The following DENND1A variants were observed in gnomAD, a reference collection of about 807,000 sequenced individuals.
DENND1A encodes DENN domain containing 1A, also known as DENN domain-containing protein 1A.
DENND1A carries 51 observed loss-of-function variants against 113.7 expected under a neutral mutation model. The ratio of observed to expected loss-of-function variants is 0.45; its 90% CI spans 0.36 to 0.57. The LOEUF is 0.57. DENND1A is among the 20% of genes least tolerant of loss of function. The pLI is 0.00. For missense variants in DENND1A, 1,258 were observed against 1,395.9 expected, an observed-to-expected ratio of 0.90 and a Z score of 1.57; for synonymous variants, 565 against 570.8, an observed-to-expected ratio of 0.99 and a Z score of 0.14.
At chr9:123,831,048 T>TA (rs201758091) in intron 2 of DENND1A, among the ~76,000 whole-genome samples, 3 of 152,004 alleles carry the variant, frequency 2.0e-5, no homozygotes, top group African/African-American at 4.8e-5. Context: ...TGATTGTGTT[T>TA]AAAAAAATAC....
intron 21 of DENND1A, among the ~76,000 whole-genome samples, chr9:123,396,004 T>C (rs1025953519): frequency 1.3e-5 from 2 of 150,300 alleles, no homozygotes; most frequent in Non-Finnish European, 3.0e-5. Context: ...TGTGCACGCG[T>C]GTGAGACAAA....
chr9:123,556,616 T>C (rs2057429597), intron 13 of DENND1A, among the ~76,000 whole-genome samples: 1 of 152,212 alleles, frequency 6.6e-6, no homozygotes, highest in South Asian at 2.1e-4. Context: ...CCAGTGCTGG[T>C]CCCTTACACC....
At chr9:123,915,913 T>C (rs1312511540) in intron 1 of DENND1A, among the ~76,000 whole-genome samples, 2 of 152,170 alleles carry the variant, frequency 1.3e-5, no homozygotes, top group South Asian at 2.1e-4. Flanking sequence ...TGAAGCTGTA[T>C]GACAACAAGC....
intron 18 of DENND1A, among the ~76,000 whole-genome samples, chr9:123,443,139 ATAGT>A (rs1354882919): frequency 1.3e-5 from 2 of 152,194 alleles, no homozygotes. Flanking sequence ...CCAAAGCCAC[ATAGT>A]TAGAAGGTGG....
chr9:123,502,142 G>T (rs2052542512), intron 13 of DENND1A, among the ~76,000 whole-genome samples: 1 of 147,510 alleles, frequency 6.8e-6, no homozygotes, highest in African/African-American at 2.5e-5. Context: ...TATATCTCCT[G>T]TTAGTTCTGT....
In DENND1A at chr9:123,788,816, T is replaced by C. The variant is rs571048562; in HGVS notation, c.132+3771A>G. Reference sequence around the variant, plus strand: ...ATGCAAATCCAAAGTAACTGAAAACTTACACTGTAATTTAGTAATCTTAAC... The same window carrying C: ...ATGCAAATCCAAAGTAACTGAAAACCTACACTGTAATTTAGTAATCTTAAC... On this transcript the variant is annotated intron_variant, in intron 3 of 23. Coordinates refer to ENST00000394215, the MANE Select transcript of DENND1A (RefSeq NM_001352964.2). 2.0e-5 allele frequency among the ~76,000 whole-genome samples: 3 copies of C among 152,224 alleles called. 1 individual carries two copies. The South Asian group carries it at 6.2e-4, about 32-fold the overall frequency.
chr9:123,576,476 T>C (rs1471581043), intron 12 of DENND1A, among the ~76,000 whole-genome samples: 1 of 152,178 alleles, frequency 6.6e-6, no homozygotes, highest in African/African-American at 2.4e-5. Context: ...TTCTCCAATT[T>C]TGTATCTGTT....
intron 5 of DENND1A, among the ~76,000 whole-genome samples, chr9:123,689,996 A>G (rs570615128): frequency 2.1e-3 from 309 of 147,500 alleles, no homozygotes; most frequent in South Asian, 0.016. Flanking sequence ...ACCAAAAAAG[A>G]AAAGGGAAAG....
At chr9:123,746,852 T>C (rs900515184) in intron 5 of DENND1A, among the ~76,000 whole-genome samples, 1 of 152,128 alleles carries the variant, frequency 6.6e-6, no homozygotes, top group African/African-American at 2.4e-5. Flanking sequence ...GGATAATCAA[T>C]ATTGGCTATA....
intron 5 of DENND1A, among the ~76,000 whole-genome samples, chr9:123,723,935 T>C (rs1423739932): frequency 6.6e-6 from 1 of 152,222 alleles, no homozygotes; most frequent in Non-Finnish European, 1.5e-5. Flanking sequence ...GCTTGGTTCA[T>C]AGTATAATGC....
At chr9:123,479,912 G>C (rs1370174173) in intron 13 of DENND1A, among the ~76,000 whole-genome samples, 1 of 152,206 alleles carries the variant, frequency 6.6e-6, no homozygotes, top group African/African-American at 2.4e-5. Context: ...AAGAAACTCA[G>C]AAAAGAGCTT....
At chr9:123,690,072 GGGAA>G (rs2065076188) in intron 5 of DENND1A, among the ~76,000 whole-genome samples, 5 of 106,426 alleles carry the variant, frequency 4.7e-5, no homozygotes, top group African/African-American at 1.0e-4. Context: ...GAGGGAGGGA[GGGAA>G]GAAGGAAAGG....
At position 123,691,898 on chromosome 9, in the gene DENND1A, T is replaced by C. The variant is rs140577676; in HGVS notation, c.303-15109A>G. On this transcript the variant is annotated intron_variant, in intron 5 of 23. Coordinates refer to ENST00000394215, the MANE Select transcript of DENND1A (RefSeq NM_001352964.2). The stretch of plus-strand genomic sequence containing the variant: ...AAAATTTTAAAAACAGATTTGACTC[T>C]GGGAGAAGAGAGCTAACAAAGGAGC... Among the ~76,000 whole-genome samples the C allele has an allele frequency of 3.2e-3, 492 of 152,296 alleles. 3 individuals carry two copies. Among genetic ancestry groups the C allele is most frequent in the Admixed American group, 3.7e-3 (57 of 15,300 alleles).
At chr9:123,573,796 T>C (rs187032316) in intron 12 of DENND1A, among the ~76,000 whole-genome samples, 1 of 152,130 alleles carries the variant, frequency 6.6e-6, no homozygotes, top group Admixed American at 6.5e-5. Flanking sequence ...GAACCTCCAG[T>C]ACAATGTTGA....
chr9:123,425,232 G>C (rs145055608), intron 19 of DENND1A, among the ~76,000 whole-genome samples: 2 of 152,204 alleles, frequency 1.3e-5, no homozygotes, highest in African/African-American at 4.8e-5. Flanking sequence ...CTCTGGTCTC[G>C]CTGAATCAGA....
intron 4 of DENND1A, among the ~76,000 whole-genome samples, chr9:123,762,119 T>TA (rs2131500788): frequency 6.6e-6 from 1 of 152,344 alleles, no homozygotes; most frequent in East Asian, 1.9e-4. Flanking sequence ...CACGCTGCAC[T>TA]AAACACAATG....
rs1049353279 is a variant in DENND1A at position 123,498,698 on chromosome 9, C to A, written c.994-40801G>T. Among the ~76,000 whole-genome samples the A allele has an allele frequency of 7.9e-5, 12 of 151,358 alleles. 1 individual carries two copies. Among genetic ancestry groups the A allele is most frequent in the Admixed American group, 7.3e-4 (11 of 15,168 alleles). ...GTCCCTTATTAGATGCAATTTTGGG[C>A]AAATCACTTAACCAGTCTCTCTCTC... On this transcript the variant is annotated intron_variant, in intron 13 of 23. Transcript: ENST00000394215.
intron 13 of DENND1A, among the ~76,000 whole-genome samples, chr9:123,530,614 T>A (rs188720085): frequency 3.4e-4 from 51 of 152,138 alleles, no homozygotes; most frequent in Middle Eastern, 3.4e-3. Context: ...CAATATTTTG[T>A]TAGTTTTTTT....
At chr9:123,887,420 G>T (rs1195055783) in intron 1 of DENND1A, among the ~76,000 whole-genome samples, 1 of 152,136 alleles carries the variant, frequency 6.6e-6, no homozygotes, top group Non-Finnish European at 1.5e-5. Context: ...ACAACCTGGT[G>T]TGGGAAGTCA....
Sources: allele counts gnomAD v4.1 joint callset (sites outside exome capture counted in the v4.1 genomes callset), GRCh38; gene constraint gnomAD v4.1.1; transcripts MANE v1.5; gene names NCBI Gene and HGNC (gene_info 2026-07-23, HGNC 2026-07-21).